EBF1: variants seen among roughly 807,000 people sequenced by gnomAD.
EBF1 encodes transcription factor COE1.
In EBF1, 10 loss-of-function variants were observed where a neutral mutation model predicts 68.4. The observed-to-expected ratio is 0.15, with a 90% CI of 0.09 to 0.25. EBF1 has a LOEUF of 0.25. EBF1 is among the 10% of genes least tolerant of loss of function. The pLI is 1.00. For missense variants in EBF1, 509 were observed against 794.4 expected (o/e 0.64, Z 4.32); for synonymous variants, 298 against 299.8 (o/e 0.99, Z 0.06).
chr5:158,920,640 G>A (rs1265407921), intron 6 of EBF1, among the ~76,000 whole-genome samples: 1 of 152,084 alleles, frequency 6.6e-6, no homozygotes, highest in Non-Finnish European at 1.5e-5. Context: ...GTGCAGTGGT[G>A]CAATCATAGC....
chr5:158,954,127 T>A (rs970836168), intron 6 of EBF1, among the ~76,000 whole-genome samples: 1 of 152,210 alleles, frequency 6.6e-6, no homozygotes, highest in East Asian at 1.9e-4. Context: ...TAACCATCAT[T>A]TTCTCAGAGT....
chr5:158,990,146 C>A (rs543808613), intron 6 of EBF1, among the ~76,000 whole-genome samples: 28 of 152,226 alleles, frequency 1.8e-4, no homozygotes, highest in African/African-American at 6.3e-4. Context: ...CCAAGGGGTT[C>A]AGTCAAAGTG....
chr5:158,827,410 G>C (rs1180026400), intron 7 of EBF1, among the ~76,000 whole-genome samples: 1 of 152,158 alleles, frequency 6.6e-6, no homozygotes, highest in Non-Finnish European at 1.5e-5. Flanking sequence ...TCGCTTTCTA[G>C]ACCCTATCTG....
chr5:159,018,410 C>T (rs974304535), intron 6 of EBF1, among the ~76,000 whole-genome samples: 2 of 152,232 alleles, frequency 1.3e-5, no homozygotes, highest in African/African-American at 2.4e-5. Context: ...CGTTTGCAAC[C>T]TTGAGCATTA....
At chr5:159,068,290 T>C (rs540436780) in intron 6 of EBF1, among the ~76,000 whole-genome samples, 1 of 152,294 alleles carries the variant, frequency 6.6e-6, no homozygotes, top group Admixed American at 6.5e-5. Flanking sequence ...AAGCCATTGA[T>C]TGTTGAAAGG....
chr5:158,972,598 A>G (rs1172830350), intron 6 of EBF1, among the ~76,000 whole-genome samples: 1 of 152,218 alleles, frequency 6.6e-6, no homozygotes, highest in Non-Finnish European at 1.5e-5. Flanking sequence ...GCTTCCCTTT[A>G]GTTTAAGGCT....
intron 6 of EBF1, among the ~76,000 whole-genome samples, chr5:159,048,845 C>T (rs949659951): frequency 8.5e-5 from 13 of 152,206 alleles, no homozygotes; most frequent in African/African-American, 3.1e-4. Context: ...AGGGTGAGGG[C>T]CGTTCAGCAA....
At chr5:158,749,745 G>A (rs759600385) in intron 10 of EBF1, among the ~76,000 whole-genome samples, 1 of 152,024 alleles carries the variant, frequency 6.6e-6, no homozygotes. Flanking sequence ...TCTTTTACAC[G>A]GCAGGAATAT....
chr5:158,783,421 T>C (rs1459889567), intron 9 of EBF1, among the ~76,000 whole-genome samples: 1 of 152,230 alleles, frequency 6.6e-6, no homozygotes, highest in Non-Finnish European at 1.5e-5. Flanking sequence ...TGGGTAATTT[T>C]ACTTTCTTCT....
chr5:159,024,402 G>T (rs546488837), intron 6 of EBF1, among the ~76,000 whole-genome samples: 4 of 152,236 alleles, frequency 2.6e-5, no homozygotes, highest in East Asian at 3.9e-4. Context: ...CAATTTTACG[G>T]CCCTTGCTTG....
intron 10 of EBF1, among the ~76,000 whole-genome samples, chr5:158,760,442 A>G (rs1771165299): frequency 6.6e-6 from 1 of 152,196 alleles, no homozygotes; most frequent in South Asian, 2.1e-4. Flanking sequence ...CAACATAGGA[A>G]TTGTCATTAG....
intron 6 of EBF1, among the ~76,000 whole-genome samples, chr5:159,033,527 A>G (rs1004522917): frequency 2.0e-5 from 3 of 152,224 alleles, no homozygotes; most frequent in Non-Finnish European, 4.4e-5. Flanking sequence ...CAAAAGTTAA[A>G]ACGTCTTTTT....
In EBF1 at chr5:158,707,999, G is replaced by A. The variant is rs1758263778; in HGVS notation, c.1724C>T (p.Thr575Ile). The part of the protein sequence containing the change: ...QTSPPPTCTS[T>I]NGNSLQAISG... ...CTTACCTTGCAGGCTGTTCCCGTTG[G>A]TGCTGGTGCAGGTGGGAGGTGGGGA... The change falls in exon 15 of 16, where the codon ACC (threonine) becomes ATC (isoleucine). Residue 575 changes from threonine (T) to isoleucine (I), a missense_variant. By Grantham distance (89) the Thr-to-Ile change is moderately conservative (BLOSUM62 -1). Around this residue, in one of 3 missense-constraint regions of EBF1, gnomAD observed 205 missense variants for 247.4 expected, o/e 0.83. Transcript: ENST00000313708. The A allele has an allele frequency of 6.5e-7, 1 of 1,550,334 alleles. No homozygotes were observed. Among genetic ancestry groups the A allele is most frequent in the Non-Finnish European group, 8.7e-7 (1 of 1,147,012 alleles).
intron 8 of EBF1, among the ~76,000 whole-genome samples, chr5:158,819,943 A>C (rs1784502714): frequency 6.6e-6 from 1 of 151,906 alleles, no homozygotes; most frequent in South Asian, 2.1e-4. Context: ...GCCTTTGTCA[A>C]CTCTCATACT....
intron 7 of EBF1, among the ~76,000 whole-genome samples, chr5:158,825,680 A>G (rs1179027247): frequency 6.6e-6 from 1 of 152,146 alleles, no homozygotes; most frequent in Non-Finnish European, 1.5e-5. Context: ...CAAGAGAAGA[A>G]CCACCAGGGC....
intron 6 of EBF1, among the ~76,000 whole-genome samples, chr5:158,893,500 G>A (rs544330628): frequency 3.3e-5 from 5 of 152,288 alleles, no homozygotes; most frequent in South Asian, 4.1e-4. Context: ...TACTTCTCTT[G>A]TAAGTTGTTT....
chr5:158,958,441 C>T (rs935966841), intron 6 of EBF1, among the ~76,000 whole-genome samples: 1 of 152,126 alleles, frequency 6.6e-6, no homozygotes, highest in Non-Finnish European at 1.5e-5. Flanking sequence ...GTTCCGATCA[C>T]AGAGTTCAGT....
At position 159,048,194 on chromosome 5, in the gene EBF1, A is replaced by G. The variant is rs577272033; in HGVS notation, c.554+25202T>C. On this transcript the variant is annotated intron_variant, in intron 6 of 15. Coordinates refer to ENST00000313708, the MANE Select transcript of EBF1 (RefSeq NM_024007.5). ...ATTTGTGCACTTCTTGATGGACTCAATGAAGAATCACCAGATGCCTCCTAC... is the reference window on the plus strand; with the variant it reads ...ATTTGTGCACTTCTTGATGGACTCAGTGAAGAATCACCAGATGCCTCCTAC... Among the ~76,000 whole-genome samples the G allele has an allele frequency of 2.6e-5, 4 of 152,354 alleles. No individual in the cohort carries two copies. The East Asian group carries it at 5.8e-4, about 22-fold the overall frequency.
chr5:159,065,828 G>T (rs984947229), intron 6 of EBF1, among the ~76,000 whole-genome samples: 2 of 152,088 alleles, frequency 1.3e-5, no homozygotes, highest in Non-Finnish European at 2.9e-5. Context: ...AACAATAAAA[G>T]AACAAGTGAG....
Sources: allele counts gnomAD v4.1 joint callset (sites outside exome capture counted in the v4.1 genomes callset), GRCh38; gene constraint gnomAD v4.1.1; regional missense constraint gnomAD v4.1.1; transcripts MANE v1.5; gene names NCBI Gene and HGNC (gene_info 2026-07-23, HGNC 2026-07-21).